SH3KBP1: variants seen among roughly 807,000 people sequenced by gnomAD.
The protein encoded by SH3KBP1 is SH3 domain-containing kinase-binding protein 1.
SH3KBP1 carries 8 observed loss-of-function variants against 50.1 expected under a neutral mutation model. The observed-to-expected ratio is 0.16, with a 90% CI of 0.09 to 0.29. The LOEUF (loss-of-function observed/expected upper bound fraction) is 0.29, where lower values mean the gene tolerates loss of function less well. SH3KBP1 is among the 10% of genes least tolerant of loss of function. The pLI, the probability that SH3KBP1 is intolerant of heterozygous loss-of-function variation, is 1.00. For missense variants in SH3KBP1, 377 were observed against 535.2 expected (o/e 0.70, Z 2.92); for synonymous variants, 227 against 218.6 (o/e 1.04, Z -0.34).
chrX:19,588,536 C>G (rs1233793598), intron 12 of SH3KBP1, 107 bp downstream of exon 12: 1 of 1,208,155 alleles, frequency 8.3e-7, no homozygotes, highest in Admixed American at 2.2e-5. Flanking sequence ...GCTTGAGCAC[C>G]CCCTTCTCCT....
rs778553545 is a variant in SH3KBP1, at chrX:19,572,357, T to C, written c.1299-3169A>G. On this transcript the variant is annotated intron_variant, in intron 12 of 17. Coordinates refer to ENST00000397821, the MANE Select transcript of SH3KBP1 (RefSeq NM_031892.3). Reference sequence around the variant, plus strand: ...ATGTTATATATAGTACATATATATGTATATATAGTACATATATGTTATATA... The same window carrying C: ...ATGTTATATATAGTACATATATATGCATATATAGTACATATATGTTATATA... Among the ~76,000 whole-genome samples the C allele has an allele frequency of 1.9e-3, 186 of 99,847 alleles. 1 individual carries two copies. The highest frequency in any genetic ancestry group is 7.3e-3 in the African/African-American group (173 of 23,777). The allele number at this position is 99,847 out of a possible 115,157, so 86.7% of individuals were successfully genotyped here.
intron 1 of SH3KBP1, among the ~76,000 whole-genome samples, chrX:19,872,281 A>G (rs1228449657): frequency 9.4e-6 from 1 of 106,180 alleles, no homozygotes; most frequent in Non-Finnish European, 1.9e-5. Flanking sequence ...AAAGAAAGAA[A>G]GAAAGAAAGA....
At chrX:19,863,347 G>A (rs768971296) in intron 1 of SH3KBP1, among the ~76,000 whole-genome samples, 3 of 111,263 alleles carry the variant, frequency 2.7e-5, no homozygotes, top group Non-Finnish European at 3.8e-5. Flanking sequence ...ATAGGTATGT[G>A]CCACCACGCC....
At chrX:19,873,068 A>G (rs1039083528) in intron 1 of SH3KBP1, among the ~76,000 whole-genome samples, 17 of 108,666 alleles carry the variant, frequency 1.6e-4, no homozygotes, top group Non-Finnish European at 2.9e-4. Context: ...AAAATGCCAC[A>G]CTGCCTACAG....
intron 3 of SH3KBP1, among the ~76,000 whole-genome samples, chrX:19,713,594 T>A (rs1196578132): frequency 9.0e-6 from 1 of 111,338 alleles, no homozygotes; most frequent in Admixed American, 9.5e-5. Flanking sequence ...TATATAATAG[T>A]TGTACATTTT....
At chrX:19,739,706 T>G (rs1254812332) in intron 3 of SH3KBP1, among the ~76,000 whole-genome samples, 2 of 110,355 alleles carry the variant, frequency 1.8e-5, no homozygotes, top group Non-Finnish European at 1.9e-5. Flanking sequence ...AAAAAATCCA[T>G]AAGTAATGTG....
intron 3 of SH3KBP1, among the ~76,000 whole-genome samples, chrX:19,745,364 G>A (rs1010322865): frequency 8.9e-6 from 1 of 112,415 alleles, no homozygotes; most frequent in African/African-American, 3.2e-5. Flanking sequence ...GAAAGGAAGA[G>A]AGGCACAAAG....
At chrX:19,714,830 T>C (rs1156931363) in intron 3 of SH3KBP1, among the ~76,000 whole-genome samples, 1 of 112,418 alleles carries the variant, frequency 8.9e-6, no homozygotes, top group Non-Finnish European at 1.9e-5. Flanking sequence ...ATGAACTAAT[T>C]CTAGATAATA....
chrX:19,766,483 CTTTTTTTTTTTTTT>C (rs61439964), intron 2 of SH3KBP1, among the ~76,000 whole-genome samples: 6 of 22,580 alleles, frequency 2.7e-4, no homozygotes, highest in Admixed American at 6.4e-4. Flanking sequence ...TTGATTGCAT[CTTTTTTTTTTTTTT>C]TTTTTTTTTT....
chrX:19,737,386 CTCTGTAACT>C (rs1208968247), intron 3 of SH3KBP1, among the ~76,000 whole-genome samples: 5 of 111,450 alleles, frequency 4.5e-5, no homozygotes, highest in Non-Finnish European at 9.4e-5. Context: ...CCTCTGTAAC[CTCTGTAACT>C]CTGTGATTCC....
At chrX:19,544,625 C>T (rs941006805) in intron 15 of SH3KBP1, among the ~76,000 whole-genome samples, 1 of 112,005 alleles carries the variant, frequency 8.9e-6, no homozygotes, top group Non-Finnish European at 1.9e-5. Flanking sequence ...CCACCAGTGC[C>T]TTTGCACTGA....
At chrX:19,616,654 C>A (rs1299116121) in intron 8 of SH3KBP1, among the ~76,000 whole-genome samples, 1 of 111,273 alleles carries the variant, frequency 9.0e-6, no homozygotes. Flanking sequence ...TGTTGTCTTC[C>A]CTGAAAGAGT....
chrX:19,647,177 G>A lies in SH3KBP1; in HGVS notation c.727-1702C>T, dbSNP rs564327414. On this transcript the variant is annotated intron_variant, in intron 6 of 17. Transcript: ENST00000397821. ...ACCATTGTTAACACATTAGGAAGAG[G>A]AAAACAAAAACAACCAGTGCTTCTG... Among the ~76,000 whole-genome samples, 4 of 109,671 alleles carry A rather than the reference G, an allele frequency of 3.6e-5. No individual in the cohort carries two copies. In the Admixed American group the frequency reaches 3.9e-4, roughly 11 times the overall value.
intron 1 of SH3KBP1, among the ~76,000 whole-genome samples, chrX:19,887,042 C>T (rs1455888612): frequency 8.9e-6 from 1 of 111,913 alleles, no homozygotes; most frequent in East Asian, 2.9e-4. Flanking sequence ...CCCTGCATCC[C>T]TCAGCCCGAG....
chrX:19,766,602 TA>T (rs1461394071), intron 2 of SH3KBP1, among the ~76,000 whole-genome samples: 1 of 96,848 alleles, frequency 1.0e-5, no homozygotes, highest in Admixed American at 1.2e-4. Context: ...CCTCCCAGTT[TA>T]CACCATTCTC....
intron 10 of SH3KBP1, among the ~76,000 whole-genome samples, chrX:19,592,702 A>G (rs1361414262): frequency 8.9e-6 from 1 of 112,103 alleles, no homozygotes; most frequent in Non-Finnish European, 1.9e-5. Context: ...CATAACTTCC[A>G]AAGCTGAGTC....
chrX:19,782,225 C>A (rs748235575), intron 2 of SH3KBP1, among the ~76,000 whole-genome samples: 76 of 111,212 alleles, frequency 6.8e-4, no homozygotes, highest in African/African-American at 2.4e-3. Context: ...AAGAGGAAGG[C>A]AGAGAGAGGA....
intron 2 of SH3KBP1, among the ~76,000 whole-genome samples, chrX:19,760,041 C>CCTCTCTCTCTCTCTCTCTCTCT (rs745515349): frequency 7.5e-4 from 38 of 50,395 alleles, no homozygotes; most frequent in Non-Finnish European, 8.9e-4. Context: ...TCTCTCTCTC[C>CCTCTCTCTCTCTCTCTCTCTCT]CTCTCTCTCT....
At chrX:19,620,379 C>T (rs1286755169) in intron 8 of SH3KBP1, among the ~76,000 whole-genome samples, 1 of 112,242 alleles carries the variant, frequency 8.9e-6, no homozygotes, top group Non-Finnish European at 1.9e-5. Context: ...TCCTATCTTC[C>T]ACTTCCATTC....
Sources: gnomAD v4.1 joint callset for allele counts (sites outside exome capture counted in the v4.1 genomes callset) on GRCh38, gnomAD v4.1.1 for gene constraint, MANE v1.5 for transcripts, NCBI Gene and HGNC (gene_info 2026-07-23, HGNC 2026-07-21) for gene names.